The following LRP1B variants were observed in gnomAD, a reference collection of about 807,000 sequenced individuals.
LRP1B encodes the protein low-density lipoprotein receptor-related protein 1B.
LRP1B carries 217 observed loss-of-function variants against 556.6 expected under a neutral mutation model. That is an observed-to-expected ratio of 0.39 (90% confidence interval 0.35 to 0.44). The LOEUF is 0.44. LRP1B is among the 20% of genes least tolerant of loss of function. The pLI is 1.00. For missense variants in LRP1B, 5,053 were observed against 5,620.8 expected (o/e 0.90, Z 3.23); for synonymous variants, 2,047 against 1,865.8 (o/e 1.10, Z -2.50).
At chr2:141,821,754 T>C (rs1696759212) in intron 1 of LRP1B, among the ~76,000 whole-genome samples, 1 of 152,178 alleles carries the variant, frequency 6.6e-6, no homozygotes, top group African/African-American at 2.4e-5. Context: ...CTATGCCTTA[T>C]TAAGCACCAA....
At chr2:142,115,492 T>TATATATAATATATATTATATATTAC (rs1707160474) in intron 1 of LRP1B, among the ~76,000 whole-genome samples, 1 of 83,550 alleles carries the variant, frequency 1.2e-5, no homozygotes, top group Non-Finnish European at 2.3e-5. Flanking sequence ...AATATATAAT[T>TATATATAATATATATTATATATTAC]ATATATAATA....
intron 2 of LRP1B, among the ~76,000 whole-genome samples, chr2:141,617,621 C>T (rs542000933): frequency 7.9e-5 from 12 of 152,208 alleles, no homozygotes; most frequent in African/African-American, 2.6e-4. Context: ...TTTTTCTCTT[C>T]AGATAATACA....
intron 41 of LRP1B, among the ~76,000 whole-genome samples, chr2:140,638,367 T>A (rs1348330030): frequency 1.3e-5 from 2 of 152,122 alleles, no homozygotes; most frequent in African/African-American, 4.8e-5. Context: ...TTACCCCCAA[T>A]TTAAAAAAGA....
intron 14 of LRP1B, among the ~76,000 whole-genome samples, chr2:141,005,681 G>T (rs903809912): frequency 3.3e-5 from 5 of 152,110 alleles, no homozygotes; most frequent in African/African-American, 1.2e-4. Context: ...GGAGATAGAG[G>T]TCTGAGTGAA....
intron 3 of LRP1B, among the ~76,000 whole-genome samples, chr2:141,283,911 A>G (rs1024736180): frequency 5.3e-5 from 8 of 152,116 alleles, no homozygotes; most frequent in Non-Finnish European, 2.9e-5. Context: ...TTATCATTTT[A>G]GATAATAAAA....
intron 1 of LRP1B, among the ~76,000 whole-genome samples, chr2:142,041,685 T>C (rs1704071608): frequency 6.6e-6 from 1 of 151,526 alleles, no homozygotes; most frequent in Non-Finnish European, 1.5e-5. Context: ...GGATGAACTT[T>C]TGTTGTACTG....
At chr2:140,582,925 G>A (rs1225982544) in intron 43 of LRP1B, among the ~76,000 whole-genome samples, 4 of 152,118 alleles carry the variant, frequency 2.6e-5, no homozygotes, top group Non-Finnish European at 4.4e-5. Flanking sequence ...GCTTTTACAT[G>A]TTGGGGTGAT....
intron 2 of LRP1B, among the ~76,000 whole-genome samples, chr2:141,661,944 A>T (rs1323207094): frequency 1.3e-5 from 2 of 152,212 alleles, no homozygotes; most frequent in African/African-American, 4.8e-5. Flanking sequence ...AGGCCAGGTC[A>T]CGTACAAAGG....
intron 57 of LRP1B, among the ~76,000 whole-genome samples, chr2:140,488,786 T>TTTAGAGG (rs1558917532): frequency 5.9e-5 from 9 of 152,036 alleles, no homozygotes; most frequent in Non-Finnish European, 1.2e-4. Flanking sequence ...ACCGTAAAGT[T>TTTAGAGG]GATGCTATGT....
chr2:141,170,985 T>A (rs16845556), intron 7 of LRP1B, among the ~76,000 whole-genome samples: 2,808 of 152,234 alleles, frequency 0.018, 88 homozygotes, highest in African/African-American at 0.062. Flanking sequence ...GTTTCTTTTT[T>A]CCCTTCCTTA....
At chr2:141,833,111 G>A (rs1347677290) in intron 1 of LRP1B, among the ~76,000 whole-genome samples, 4 of 151,636 alleles carry the variant, frequency 2.6e-5, no homozygotes, top group African/African-American at 9.7e-5. Flanking sequence ...TTTAGAATGA[G>A]ATTTCTTATT....
Position 142,130,705 on chromosome 2 carries a change from G to A in LRP1B, c.25C>T (p.Leu9Phe), listed in dbSNP as rs1225854405. 6.2e-7 allele frequency: 1 copy of A among 1,613,472 alleles called. No individual in the cohort carries two copies. The highest frequency in any genetic ancestry group is 1.1e-5 in the South Asian group (1 of 90,924). Residue 9 changes from leucine to phenylalanine, a missense_variant, in exon 1 of 91, where the codon CTC (leucine) becomes TTC (phenylalanine). Physicochemically the swap from Leu to Phe is conservative, Grantham distance 22. Transcript: ENST00000389484. ...ATCGGCAATAATCCCGAGAGAGTGA[G>A]TAAGGCGAGGAGAAACTCGGACATT... MSEFLLALLTLSGLLPIAR... is the reference protein window; with the variant it reads MSEFLLALFTLSGLLPIAR...
At chr2:141,233,520 G>C (rs534818536) in intron 5 of LRP1B, among the ~76,000 whole-genome samples, 1 of 152,210 alleles carries the variant, frequency 6.6e-6, no homozygotes, top group East Asian at 1.9e-4. Flanking sequence ...GAATTGAAAA[G>C]AGAAACTTGG....
At chr2:140,865,758 C>G (rs6713857) in intron 27 of LRP1B, among the ~76,000 whole-genome samples, 3,041 of 152,126 alleles carry the variant, frequency 0.02, 97 homozygotes, top group African/African-American at 0.068. Context: ...TGTTAAATTA[C>G]ATCCACATAG....
At chr2:141,110,276 A>C (rs940130609) in intron 7 of LRP1B, among the ~76,000 whole-genome samples, 1 of 151,916 alleles carries the variant, frequency 6.6e-6, no homozygotes, top group South Asian at 2.1e-4. Flanking sequence ...ATTAATGTTA[A>C]TATCCATAGA....
At chr2:141,787,715 G>A (rs928217075) in intron 2 of LRP1B, among the ~76,000 whole-genome samples, 77 of 150,934 alleles carry the variant, frequency 5.1e-4, no homozygotes, top group African/African-American at 1.8e-3. Flanking sequence ...TTTTTTTACT[G>A]TACATAAATT....
chr2:141,797,732 C>T (rs1163354808), intron 2 of LRP1B, among the ~76,000 whole-genome samples: 3 of 152,034 alleles, frequency 2.0e-5, no homozygotes, highest in Non-Finnish European at 2.9e-5. Flanking sequence ...ATGTTGGTTA[C>T]GAAGCTATTA....
In LRP1B at chr2:140,231,517, T is replaced by G. The variant is rs1399398534; in HGVS notation, c.*1669A>C. The G allele has an allele frequency of 6.6e-6, 1 of 151,830 alleles. No individual in the cohort carries two copies. Among genetic ancestry groups the G allele is most frequent in the Non-Finnish European group, 1.5e-5 (1 of 67,624 alleles). The allele number at this position is 151,830 out of a possible 1,614,324, so 9.4% of individuals were successfully genotyped here. ...TAGAAACATAGGCAAAATGACTATA[T>G]TATAACCAAAATGAAAAATACTGTT... On this transcript the variant is annotated 3_prime_UTR_variant, in exon 91 of 91. Transcript: ENST00000389484.
At chr2:140,942,569 C>T (rs1374186809) in intron 20 of LRP1B, among the ~76,000 whole-genome samples, 1 of 152,102 alleles carries the variant, frequency 6.6e-6, no homozygotes, top group African/African-American at 2.4e-5. Context: ...AAAGTGAATC[C>T]TATCAGACAA....
Sources: gnomAD v4.1 joint callset for allele counts (sites outside exome capture counted in the v4.1 genomes callset) on GRCh38, gnomAD v4.1.1 for gene constraint, MANE v1.5 for transcripts, NCBI Gene and HGNC (gene_info 2026-07-23, HGNC 2026-07-21) for gene names.